Variants in ZFAND4 observed in about 807,000 individuals in gnomAD.
The protein encoded by ZFAND4 is AN1-type zinc finger protein 4.
In ZFAND4, 43 loss-of-function variants were observed where a neutral mutation model predicts 64.4. That is an observed-to-expected ratio of 0.67 (90% confidence interval 0.52 to 0.86). ZFAND4 has a LOEUF of 0.86. Ranked by LOEUF, ZFAND4 falls within the 40% of genes least tolerant of loss-of-function variation. ZFAND4 has a pLI of 0.00. For missense variants in ZFAND4, 929 were observed against 859.8 expected, an observed-to-expected ratio of 1.08 and a Z score of -1.01; for synonymous variants, 296 against 305.7, an observed-to-expected ratio of 0.97 and a Z score of 0.33.
chr10:45,636,964 T>A (rs2046637625), intron 6 of ZFAND4, among the ~76,000 whole-genome samples: 1 of 151,082 alleles, frequency 6.6e-6, no homozygotes, highest in African/African-American at 2.4e-5. Context: ...GAAGAAAGGA[T>A]GTTTTTTCTT....
At chr10:45,632,537 T>TA (rs2133625041) in intron 6 of ZFAND4, among the ~76,000 whole-genome samples, 1 of 152,092 alleles carries the variant, frequency 6.6e-6, no homozygotes, top group East Asian at 1.9e-4. Context: ...ACTTAGTAAT[T>TA]AGGAGTCAAA....
chr10:45,620,175 CT>C (rs998388648), intron 8 of ZFAND4, among the ~76,000 whole-genome samples: 1 of 152,006 alleles, frequency 6.6e-6, no homozygotes, highest in African/African-American at 2.4e-5. Context: ...ATTCTCCATA[CT>C]TTTTTTCATT....
Position 45,626,690 on chromosome 10 carries a change from T to C in ZFAND4, c.1133A>G (p.Asn378Ser). The C allele has an allele frequency of 1.2e-6, 2 of 1,614,214 alleles. No individual in the cohort carries two copies. Among genetic ancestry groups the C allele is most frequent in the African/African-American group, 1.3e-5 (1 of 75,048 alleles). ...TTCTGAAGGTAAGACAATGTTCCCA[T>C]TACTAGATGGCAAGTTTCCTAAAAA... ...KHFLGNLPSSNGNIVLPSEEC... is the reference protein window; with the variant it reads ...KHFLGNLPSSSGNIVLPSEEC... The change falls in exon 7 of 10, where the codon AAT becomes AGT. Residue 378 changes from asparagine to serine, a missense_variant. Coordinates refer to ENST00000344646, the MANE Select transcript of ZFAND4 (RefSeq NM_174890.4).
rs774234383 is a variant in ZFAND4, at chr10:45,626,512, A to G, written c.1311T>C (p.Ala437=). 48 of 1,613,842 alleles carry G rather than the reference A, an allele frequency of 3.0e-5. No homozygotes were observed. Among genetic ancestry groups the G allele is most frequent in the African/African-American group, 4.0e-5 (3 of 74,926 alleles). Residue 437 remains alanine, a synonymous_variant, in exon 7 of 10, where the codon GCT becomes GCC. Coordinates refer to ENST00000344646, the MANE Select transcript of ZFAND4 (RefSeq NM_174890.4). ...LLTNADKGLK[A]PEQHLKHVAG... Reference sequence around the variant, plus strand: ...CAACATGCTTGAGATGCTGCTCTGGAGCTTTCAACCCTTTGTCAGCATTAG... The same window carrying G: ...CAACATGCTTGAGATGCTGCTCTGGGGCTTTCAACCCTTTGTCAGCATTAG...
intron 2 of ZFAND4, chr10:45,662,457 TAC>T (rs2048542681): frequency 3.2e-6 from 1 of 316,210 alleles, no homozygotes; most frequent in Admixed American, 6.5e-5. Context: ...AGATAAAAAG[TAC>T]AGAGATTATT....
chr10:45,627,019 C>T lies in ZFAND4; in HGVS notation c.804G>A (p.Leu268=). ...GACCAATGTTGGGGAGGACCCTTAACAATCGGTGGCGAGATGGTGCAGTGG... is the reference window on the plus strand; with the variant it reads ...GACCAATGTTGGGGAGGACCCTTAATAATCGGTGGCGAGATGGTGCAGTGG... ...SGSTAPSRHR[L]LRVLPNIGQS... The change falls in exon 7 of 10, where the codon TTG becomes TTA. Residue 268 remains leucine, a synonymous_variant. Transcript: ENST00000344646. 1 of 1,608,636 alleles carries T rather than the reference C, an allele frequency of 6.2e-7. No individual in the cohort carries two copies. Among genetic ancestry groups the T allele is most frequent in the Non-Finnish European group, 8.5e-7 (1 of 1,176,656 alleles).
In ZFAND4 at chr10:45,626,492, T is replaced by C; in HGVS notation, c.1331A>G (p.His444Arg). 1.2e-6 allele frequency: 2 copies of C among 1,613,884 alleles called. No homozygotes were observed. The highest frequency in any genetic ancestry group is 1.7e-6 in the Non-Finnish European group (2 of 1,180,036). Residue 444 changes from histidine (H) to arginine (R), a missense_variant, in exon 7 of 10, where the codon CAT becomes CGT. Coordinates refer to ENST00000344646, the MANE Select transcript of ZFAND4 (RefSeq NM_174890.4). ...GLKAPEQHLK[H>R]VAGVLNGESV... ...TTCCCCATTCAGCACTCCTGCAACA[T>C]GCTTGAGATGCTGCTCTGGAGCTTT...
rs140671460 is a variant in ZFAND4 at position 45,648,319 on chromosome 10, G to T, written c.544C>A (p.Arg182=). The change falls in exon 5 of 10, where the codon CGG becomes AGG. Residue 182 remains arginine (R), a synonymous_variant. Transcript: ENST00000344646. Reference sequence around the variant, plus strand: ...CTCATACGATGTTCTCCTTTTCTCCGTAGGACATGCAAATGAAAATCTATT... The same window carrying T: ...CTCATACGATGTTCTCCTTTTCTCCTTAGGACATGCAAATGAAAATCTATT... ...KKIDFHLHVL[R]RKGEHRMSGG... The T allele has an allele frequency of 6.2e-7, 1 of 1,612,460 alleles. No individual in the cohort carries two copies. Among genetic ancestry groups the T allele is most frequent in the East Asian group, 2.2e-5 (1 of 44,820 alleles).
rs777839571 is a variant in ZFAND4 at position 45,618,175 on chromosome 10, T to C, written c.2013A>G (p.Gly671=). The change falls in exon 9 of 10, where the codon GGA becomes GGG. Residue 671 remains glycine (G), a synonymous_variant. Transcript: ENST00000344646. ...KKTTNHCFLC[G]KKTGLASSYE... is the part of the protein sequence containing the mutation. ...AGCTACTAGCCAGTCCTGTTTTCTT[T>C]CCACAAAGAAAACAATGATTTGTTG... The C allele has an allele frequency of 6.2e-7, 1 of 1,613,538 alleles. No individual in the cohort carries two copies. Among genetic ancestry groups the C allele is most frequent in the African/African-American group, 1.3e-5 (1 of 74,894 alleles).
chr10:45,629,629 G>C (rs2046070979), intron 6 of ZFAND4, among the ~76,000 whole-genome samples: 1 of 152,140 alleles, frequency 6.6e-6, no homozygotes, highest in South Asian at 2.1e-4. Context: ...GGGAGGCCAA[G>C]GTGGGAAGAT....
At chr10:45,654,851 T>A (rs2047999315) in intron 2 of ZFAND4, among the ~76,000 whole-genome samples, 1 of 151,986 alleles carries the variant, frequency 6.6e-6, no homozygotes. Context: ...AGCTCCCAGA[T>A]TCATAAAACA....
At chr10:45,632,379 A>T (rs2046286624) in intron 6 of ZFAND4, among the ~76,000 whole-genome samples, 2 of 152,198 alleles carry the variant, frequency 1.3e-5, no homozygotes, top group African/African-American at 4.8e-5. Context: ...GTGAATAAAT[A>T]AAAAGGATGG....
At chr10:45,634,694 A>G (rs907504379) in intron 6 of ZFAND4, among the ~76,000 whole-genome samples, 1 of 152,136 alleles carries the variant, frequency 6.6e-6, no homozygotes, top group African/African-American at 2.4e-5. Context: ...AGGGCATACA[A>G]ATTTGAAAGA....
chr10:45,618,052 C>A, intron 9 of ZFAND4, 88 bp downstream of exon 9: 1 of 1,365,218 alleles, frequency 7.3e-7, no homozygotes, highest in South Asian at 1.4e-5. Context: ...ATGTTATAAA[C>A]AGGCAATTTA....
chr10:45,626,925 C>T lies in ZFAND4; in HGVS notation c.898G>A (p.Ala300Thr), dbSNP rs144676729. ...TATCTCTCAGCAGAGAGTTGAGTTG[C>T]CAAACTTGAAATTCCATTCCTGGAG... is the stretch of plus-strand genomic sequence containing the variant. ...EISRNGISSL[A>T]TQLSAERYIS... Residue 300 changes from alanine (A) to threonine (T), a missense_variant, in exon 7 of 10, where the codon GCA becomes ACA. Coordinates refer to ENST00000344646, the MANE Select transcript of ZFAND4 (RefSeq NM_174890.4). 10 of 1,614,044 alleles carry T rather than the reference C, an allele frequency of 6.2e-6. No homozygotes were observed. The African/African-American group carries it at 9.3e-5, about 15-fold the overall frequency.
intron 6 of ZFAND4, among the ~76,000 whole-genome samples, chr10:45,638,363 G>T (rs906091888): frequency 6.6e-6 from 1 of 151,076 alleles, no homozygotes; most frequent in East Asian, 1.9e-4. Context: ...GCGTAGTGGC[G>T]GGCGCCTGTG....
intron 2 of ZFAND4, among the ~76,000 whole-genome samples, chr10:45,654,346 CA>C (rs1439522763): frequency 7.2e-5 from 11 of 152,126 alleles, no homozygotes; most frequent in Non-Finnish European, 1.5e-5. Flanking sequence ...TTGGGCTGGG[CA>C]CAGTAGCTCA....
At position 45,646,262 on chromosome 10, in the gene ZFAND4, T is replaced by C. The variant is rs1403710586; in HGVS notation, c.569+2032A>G. Among the ~76,000 whole-genome samples the C allele has an allele frequency of 2.0e-5, 3 of 152,226 alleles. No homozygotes were observed. The East Asian group carries it at 5.8e-4, about 29-fold the overall frequency. On this transcript the variant is annotated intron_variant, in intron 5 of 9. Coordinates refer to ENST00000344646, the MANE Select transcript of ZFAND4 (RefSeq NM_174890.4). ...TCTCGTTACATAAGTACCTATTTAA[T>C]ATCCTTGATGCTGTCTCTTGGCCTA...
At chr10:45,630,145 T>A (rs1359841805) in intron 6 of ZFAND4, among the ~76,000 whole-genome samples, 1 of 151,952 alleles carries the variant, frequency 6.6e-6, no homozygotes, top group Non-Finnish European at 1.5e-5. Flanking sequence ...ATCAGAACAT[T>A]TTAGCTAATG....
Sources: gnomAD v4.1 joint callset for allele counts (sites outside exome capture counted in the v4.1 genomes callset) on GRCh38, gnomAD v4.1.1 for gene constraint, MANE v1.5 for transcripts, NCBI Gene and HGNC (gene_info 2026-07-23, HGNC 2026-07-21) for gene names.